SMAP2: variants seen among roughly 807,000 people sequenced by gnomAD.
SMAP2 encodes small ArfGAP2.
Under a neutral mutation model 56.4 loss-of-function variants are expected in SMAP2, and 25 were observed. The observed-to-expected ratio is 0.44, with a 90% CI of 0.32 to 0.62. The LOEUF (loss-of-function observed/expected upper bound fraction) is 0.62. SMAP2 is among the 20% of genes least tolerant of loss of function. The pLI, the probability that SMAP2 is intolerant of heterozygous loss-of-function variation, is 0.04. For synonymous variants in SMAP2, 157 were observed against 181.7 expected, an observed-to-expected ratio of 0.86 and a Z score of 1.09; for missense variants, 388 against 545.6, an observed-to-expected ratio of 0.71 and a Z score of 2.88.
intron 1 of SMAP2, among the ~76,000 whole-genome samples, chr1:40,391,784 TTTTTGTTTTG>T (rs1240393675): frequency 6.6e-6 from 1 of 152,114 alleles, no homozygotes; most frequent in Non-Finnish European, 1.5e-5. Context: ...CAGCTTTAGT[TTTTTGTTTTG>T]TTTTGTTTTG....
chr1:40,407,790 T>C (rs1253095916), intron 2 of SMAP2, among the ~76,000 whole-genome samples: 2 of 150,514 alleles, frequency 1.3e-5, no homozygotes, highest in East Asian at 3.9e-4. Context: ...TTTATTGTTA[T>C]CATCTTTAAA....
At chr1:40,405,826 C>T (rs1479640402) in intron 1 of SMAP2, among the ~76,000 whole-genome samples, 1 of 152,092 alleles carries the variant, frequency 6.6e-6, no homozygotes, top group Non-Finnish European at 1.5e-5. Context: ...ATGAGTAACA[C>T]TGGCAGGGGA....
chr1:40,421,546 C>T (rs1234578467), intron 9 of SMAP2, among the ~76,000 whole-genome samples: 1 of 152,168 alleles, frequency 6.6e-6, no homozygotes, highest in Non-Finnish European at 1.5e-5. Flanking sequence ...TGCTCAAGCG[C>T]TTTCCCTGAC....
chr1:40,419,426 A>C (rs1569932326), intron 9 of SMAP2, among the ~76,000 whole-genome samples: 1 of 151,692 alleles, frequency 6.6e-6, no homozygotes, highest in East Asian at 1.9e-4. Context: ...GATTACAGGC[A>C]CCCGCCACCA....
intron 1 of SMAP2, among the ~76,000 whole-genome samples, chr1:40,382,739 C>T (rs1644610723): frequency 6.6e-6 from 1 of 152,188 alleles, no homozygotes; most frequent in Admixed American, 6.5e-5. Flanking sequence ...TCATAATGTG[C>T]CACACTTTAC....
chr1:40,420,599 TGAAA>T (rs1645032962), intron 9 of SMAP2, among the ~76,000 whole-genome samples: 1 of 152,186 alleles, frequency 6.6e-6, no homozygotes, highest in South Asian at 2.1e-4. Flanking sequence ...TTAATTATAA[TGAAA>T]GAAATATAGT....
At chr1:40,398,234 A>G (rs183079720) in intron 1 of SMAP2, among the ~76,000 whole-genome samples, 29 of 152,002 alleles carry the variant, frequency 1.9e-4, no homozygotes, top group Non-Finnish European at 3.7e-4. Context: ...ACATTTATTT[A>G]TTTATTTATT....
In SMAP2 at chr1:40,422,051, G is replaced by A. The variant is rs756268696; in HGVS notation, c.1240G>A (p.Gly414Arg). 23 of 1,613,986 alleles carry A rather than the reference G, an allele frequency of 1.4e-5. No individual in the cohort carries two copies. The highest frequency in any genetic ancestry group is 8.8e-5 in the South Asian group (8 of 91,084). Residue 414 changes from glycine (G) to arginine (R), a missense_variant, in exon 10 of 10, where the codon GGA becomes AGA. Coordinates refer to ENST00000372718, the MANE Select transcript of SMAP2 (RefSeq NM_022733.3). ...MMNYGQSMSG[G>R]NGQAANQTLS... ...GAACTATGGACAGTCAATGAGTGGC[G>A]GAAATGGACAGGCAGCAAATCAGAC...
At chr1:40,415,009 C>G (rs1190042669) in intron 6 of SMAP2, among the ~76,000 whole-genome samples, 1 of 152,190 alleles carries the variant, frequency 6.6e-6, no homozygotes, top group Non-Finnish European at 1.5e-5. Context: ...GCCAGCCAGC[C>G]CCCCACTGTG....
intron 1 of SMAP2, among the ~76,000 whole-genome samples, chr1:40,399,175 T>C (rs1644802798): frequency 6.6e-6 from 1 of 151,862 alleles, no homozygotes; most frequent in Non-Finnish European, 1.5e-5. Flanking sequence ...GACAGAGCCT[T>C]GCTCTGTTGC....
At chr1:40,419,573 C>T (rs751947139) in intron 9 of SMAP2, among the ~76,000 whole-genome samples, 29 of 152,212 alleles carry the variant, frequency 1.9e-4, no homozygotes, top group Non-Finnish European at 3.4e-4. Context: ...GCATGAGCCA[C>T]TGCGCCCAGC....
intron 9 of SMAP2, among the ~76,000 whole-genome samples, chr1:40,418,008 A>G (rs1234391417): frequency 2.6e-5 from 4 of 152,188 alleles, no homozygotes; most frequent in African/African-American, 7.2e-5. Flanking sequence ...AAAATAGAAA[A>G]TGAAAATCAA....
intron 1 of SMAP2, among the ~76,000 whole-genome samples, chr1:40,356,176 GCTGAATAGTA>G (rs1644434983): frequency 6.6e-6 from 1 of 152,044 alleles, no homozygotes; most frequent in South Asian, 2.1e-4. Flanking sequence ...CTTTCTTATG[GCTGAATAGTA>G]CTCCATTGTA....
At chr1:40,379,562 T>C (rs1302022934) in intron 1 of SMAP2, among the ~76,000 whole-genome samples, 2 of 146,442 alleles carry the variant, frequency 1.4e-5, no homozygotes, top group Admixed American at 6.8e-5. Flanking sequence ...TCTCTTTTTT[T>C]TTTTTTTTTT....
intron 1 of SMAP2, among the ~76,000 whole-genome samples, chr1:40,345,709 ATC>A (rs1644382638): frequency 6.6e-6 from 1 of 151,468 alleles, no homozygotes; most frequent in African/African-American, 2.4e-5. Flanking sequence ...GCATATAAAG[ATC>A]TCTCTCATTG....
chr1:40,359,547 G>A lies in SMAP2; in HGVS notation c.-82-2753G>A, dbSNP rs146614092. Among the ~76,000 whole-genome samples the A allele has an allele frequency of 1.2e-3, 190 of 152,278 alleles. 1 individual carries two copies. The East Asian group carries it at 0.02, about 16-fold the overall frequency. On this transcript the variant is annotated intron_variant, in intron 1 of 6. Coordinates refer to the SMAP2 transcript ENST00000435168. The stretch of plus-strand genomic sequence containing the variant: ...TATTGGTAAGTAAGGACTTATGCCT[G>A]CCACTTTGTTATTTGTTTTCTGGTT...
At chr1:40,393,541 CTTTTTTTTTT>C (rs35913943) in intron 1 of SMAP2, 4 of 811,052 alleles carry the variant, frequency 4.9e-6, no homozygotes, top group Non-Finnish European at 6.8e-6. Context: ...GTTCTTCTAA[CTTTTTTTTTT>C]TTTTTTTTTT....
upstream of SMAP2, among the ~76,000 whole-genome samples, chr1:40,369,810 C>T (rs1420656890): frequency 1.4e-4 from 19 of 139,446 alleles, no homozygotes; most frequent in Non-Finnish European, 2.6e-4. Flanking sequence ...GACTTCATGT[C>T]CAAAACACCA....
At chr1:40,402,123 A>T (rs1477486603) in intron 1 of SMAP2, among the ~76,000 whole-genome samples, 1 of 152,174 alleles carries the variant, frequency 6.6e-6, no homozygotes, top group Admixed American at 6.5e-5. Context: ...TTTCATTTTA[A>T]ATTTCAAAAT....
Sources: allele counts gnomAD v4.1 joint callset (sites outside exome capture counted in the v4.1 genomes callset), GRCh38; gene constraint gnomAD v4.1.1; transcripts MANE v1.5; gene names NCBI Gene and HGNC (gene_info 2026-07-23, HGNC 2026-07-21).